RBFOX2: variants seen among roughly 807,000 people sequenced by gnomAD.
RBFOX2 encodes RNA binding fox-1 homolog 2.
In RBFOX2, 10 loss-of-function variants were observed where a neutral mutation model predicts 49.1. The ratio of observed to expected loss-of-function variants is 0.20; its 90% CI spans 0.13 to 0.35. The LOEUF is 0.35. Ranked by LOEUF, RBFOX2 falls within the 10% of genes least tolerant of loss-of-function variation. The pLI is 1.00. For missense variants in RBFOX2, 323 were observed against 486.9 expected (o/e 0.66, Z 3.17); for synonymous variants, 183 against 187.4 (o/e 0.98, Z 0.19).
intron 5 of RBFOX2, among the ~76,000 whole-genome samples, chr22:35,766,958 G>C (rs1568998773): frequency 6.6e-6 from 1 of 152,162 alleles, no homozygotes; most frequent in Non-Finnish European, 1.5e-5. Context: ...AAAGAAAAGA[G>C]AAAGTCAGGA....
At chr22:35,902,258 A>G (rs1171114400) in intron 1 of RBFOX2, among the ~76,000 whole-genome samples, 2 of 151,012 alleles carry the variant, frequency 1.3e-5, no homozygotes, top group Non-Finnish European at 1.5e-5. Flanking sequence ...TTATCTACCC[A>G]CTCCGGTTCT....
chr22:35,763,183 A>G (rs1251906666), intron 6 of RBFOX2, among the ~76,000 whole-genome samples: 1 of 152,158 alleles, frequency 6.6e-6, no homozygotes, highest in Non-Finnish European at 1.5e-5. Flanking sequence ...TGCCTACTAA[A>G]CCTGAATATT....
chr22:35,885,919 C>T (rs1205148051), intron 1 of RBFOX2, among the ~76,000 whole-genome samples: 2 of 136,328 alleles, frequency 1.5e-5, no homozygotes, highest in Non-Finnish European at 3.0e-5. Context: ...TGCAGTGGCA[C>T]GATCTGGGCT....
At chr22:36,025,562 G>A (rs1441977283) in intron 1 of RBFOX2, among the ~76,000 whole-genome samples, 1 of 152,078 alleles carries the variant, frequency 6.6e-6, no homozygotes, top group East Asian at 1.9e-4. Flanking sequence ...GGATGTAGCA[G>A]CTGCTTAATA....
chr22:35,803,428 C>T (rs1950130201), intron 2 of RBFOX2, among the ~76,000 whole-genome samples: 1 of 152,134 alleles, frequency 6.6e-6, no homozygotes, highest in Admixed American at 6.5e-5. Flanking sequence ...GTAATCCCAG[C>T]ATGTTAGGCA....
chr22:35,902,079 CAA>C (rs1056903369), intron 1 of RBFOX2, among the ~76,000 whole-genome samples: 1 of 144,596 alleles, frequency 6.9e-6, no homozygotes, highest in Non-Finnish European at 1.5e-5. Context: ...GACTCTGTCT[CAA>C]AAAAAAAAGA....
At chr22:35,822,980 C>A (rs927218333) in intron 1 of RBFOX2, 2 of 315,972 alleles carry the variant, frequency 6.3e-6, no homozygotes, top group East Asian at 9.6e-5. Context: ...CCTGCCACCA[C>A]GCCTGGCTAA....
chr22:35,870,795 C>T (rs955238758), intron 1 of RBFOX2, among the ~76,000 whole-genome samples: 1 of 152,134 alleles, frequency 6.6e-6, no homozygotes, highest in Admixed American at 6.5e-5. Flanking sequence ...ACTTTTTACT[C>T]AGGGATGAGT....
chr22:35,861,561 A>G (rs1337860939), intron 1 of RBFOX2, among the ~76,000 whole-genome samples: 1 of 152,200 alleles, frequency 6.6e-6, no homozygotes, highest in Non-Finnish European at 1.5e-5. Context: ...GAAGCTCAGT[A>G]TCATTATTCA....
At chr22:35,803,610 A>G (rs1329155386) in intron 2 of RBFOX2, among the ~76,000 whole-genome samples, 1 of 152,116 alleles carries the variant, frequency 6.6e-6, no homozygotes, top group African/African-American at 2.4e-5. Context: ...CCAGCAGGTC[A>G]AGGCTGCAGT....
At chr22:35,850,285 A>C (rs1259429386) in intron 1 of RBFOX2, among the ~76,000 whole-genome samples, 4 of 151,144 alleles carry the variant, frequency 2.6e-5, no homozygotes, top group African/African-American at 9.7e-5. Flanking sequence ...ACAGTATAAA[A>C]CCTTTCTGCC....
chr22:36,001,647 AGCT>A (rs1404308277), intron 1 of RBFOX2, among the ~76,000 whole-genome samples: 4 of 152,120 alleles, frequency 2.6e-5, no homozygotes, highest in Non-Finnish European at 5.9e-5. Context: ...CCTTAGTCCT[AGCT>A]ACTCAGGAGG....
At chr22:35,924,428 T>C (rs536542102) in intron 1 of RBFOX2, among the ~76,000 whole-genome samples, 1 of 152,224 alleles carries the variant, frequency 6.6e-6, no homozygotes, top group African/African-American at 2.4e-5. Context: ...AATAAGTATA[T>C]TTATTGAGTG....
chr22:35,960,856 C>T (rs1310688248), intron 1 of RBFOX2, among the ~76,000 whole-genome samples: 3 of 151,974 alleles, frequency 2.0e-5, no homozygotes, highest in Non-Finnish European at 2.9e-5. Context: ...AAGCCGATTC[C>T]GAATGAGAGT....
chr22:35,806,262 A>G (rs1008809066), intron 2 of RBFOX2, among the ~76,000 whole-genome samples: 5 of 152,146 alleles, frequency 3.3e-5, no homozygotes, highest in Non-Finnish European at 7.3e-5. Flanking sequence ...CTATCTTCTC[A>G]GTTTACTGTG....
chr22:35,744,778 G>A (rs1387573796), intron 11 of RBFOX2, among the ~76,000 whole-genome samples: 2 of 152,158 alleles, frequency 1.3e-5, no homozygotes, highest in African/African-American at 2.4e-5. Context: ...TATCATCTAC[G>A]AAGCACACCA....
rs1338157670 is a variant in RBFOX2, at chr22:36,014,122, C to CT, written c.186+14117dup. ...GGCAGGATGATACCTATTATCATTT[C>CT]TTTTTTTTTTTTTTATTGAGACAGA... is the stretch of plus-strand genomic sequence containing the variant. On this transcript the variant is annotated intron_variant, in intron 1 of 13. Coordinates refer to the RBFOX2 transcript ENST00000438146. Among the ~76,000 whole-genome samples, 1,134 of 137,696 alleles carry CT rather than the reference C, an allele frequency of 8.2e-3. 2 individuals carry two copies. Among genetic ancestry groups the CT allele is most frequent in the Middle Eastern group, 0.015 (4 of 268 alleles). 90.3% of individuals were successfully genotyped at this position (137,696 alleles called of 152,430 possible).
At chr22:35,903,945 T>TTTC (rs146071982) in intron 1 of RBFOX2, among the ~76,000 whole-genome samples, 27,016 of 150,414 alleles carry the variant, frequency 0.18, 3,061 homozygotes, top group African/African-American at 0.34. Flanking sequence ...ACATTACATT[T>TTTC]TTCTTTCCAA....
chr22:35,979,154 A>G (rs1314963795), intron 1 of RBFOX2, among the ~76,000 whole-genome samples: 1 of 152,164 alleles, frequency 6.6e-6, no homozygotes, highest in African/African-American at 2.4e-5. Flanking sequence ...CGAAAATGAT[A>G]TTACTGCTGT....
Sources: allele counts gnomAD v4.1 joint callset (sites outside exome capture counted in the v4.1 genomes callset), GRCh38; gene constraint gnomAD v4.1.1; transcripts MANE v1.5; gene names NCBI Gene and HGNC (gene_info 2026-07-23, HGNC 2026-07-21).